The following CPEB3 variants were observed in gnomAD, a reference collection of about 807,000 sequenced individuals.
CPEB3 encodes cytoplasmic polyadenylation element-binding protein 3.
A neutral mutation model predicts 67.2 loss-of-function variants in CPEB3; 20 were observed. The ratio of observed to expected loss-of-function variants is 0.30; its 90% CI spans 0.21 to 0.43. CPEB3 has a LOEUF of 0.43. Ranked by LOEUF, CPEB3 falls within the 20% of genes least tolerant of loss-of-function variation. The pLI is 1.00. For missense variants in CPEB3, 746 were observed against 968.6 expected (o/e 0.77, Z 3.05); for synonymous variants, 376 against 393.1 (o/e 0.96, Z 0.51).
At chr10:92,187,985 C>T (rs1393934125) in intron 3 of CPEB3, among the ~76,000 whole-genome samples, 1 of 152,002 alleles carries the variant, frequency 6.6e-6, no homozygotes, top group African/African-American at 2.4e-5. Context: ...TGCTTGAGCT[C>T]AGGAGTTCAA....
At chr10:92,147,967 T>G (rs1235424705) in intron 4 of CPEB3, among the ~76,000 whole-genome samples, 1 of 152,142 alleles carries the variant, frequency 6.6e-6, no homozygotes, top group East Asian at 1.9e-4. Flanking sequence ...TCTCTTATAC[T>G]CCACGTCAAA....
intron 1 of CPEB3, among the ~76,000 whole-genome samples, chr10:92,263,425 T>C (rs1421233738): frequency 6.6e-6 from 1 of 152,154 alleles, no homozygotes; most frequent in Non-Finnish European, 1.5e-5. Context: ...GGTCAATGTA[T>C]GAAAGCCAAA....
At chr10:92,173,010 G>A (rs1848074612) in intron 4 of CPEB3, among the ~76,000 whole-genome samples, 1 of 152,184 alleles carries the variant, frequency 6.6e-6, no homozygotes, top group Admixed American at 6.5e-5. Flanking sequence ...GTCACACTGA[G>A]ATGTTTTCCC....
intron 6 of CPEB3, among the ~76,000 whole-genome samples, chr10:92,139,291 A>T (rs1161513670): frequency 4.2e-5 from 6 of 142,402 alleles, no homozygotes; most frequent in Non-Finnish European, 4.6e-5. Flanking sequence ...CACACACATA[A>T]AAAAAAAAAA....
intron 4 of CPEB3, among the ~76,000 whole-genome samples, chr10:92,167,012 G>A (rs566690721): frequency 2.6e-5 from 4 of 152,122 alleles, no homozygotes; most frequent in African/African-American, 7.2e-5. Context: ...TTATGGAGAC[G>A]GCTTTTTCCC....
intron 4 of CPEB3, among the ~76,000 whole-genome samples, chr10:92,171,568 AG>A (rs1334706560): frequency 6.6e-6 from 1 of 152,154 alleles, no homozygotes; most frequent in Non-Finnish European, 1.5e-5. Flanking sequence ...AAACAAAGGA[AG>A]GGGGGTAGAA....
intron 9 of CPEB3, among the ~76,000 whole-genome samples, chr10:92,053,605 G>A (rs977145190): frequency 1.2e-4 from 18 of 148,806 alleles, no homozygotes; most frequent in African/African-American, 2.7e-4. Context: ...GCAGTGGCAC[G>A]ATCTCGGCTC....
At chr10:92,266,159 T>C (rs145052453) in intron 1 of CPEB3, among the ~76,000 whole-genome samples, 593 of 152,280 alleles carry the variant, frequency 3.9e-3, no homozygotes, top group Non-Finnish European at 6.5e-3. Context: ...TCAGCCTACA[T>C]AACTGTAAGA....
chr10:92,275,414 C>T (rs1841933169), intron 1 of CPEB3, among the ~76,000 whole-genome samples: 1 of 152,148 alleles, frequency 6.6e-6, no homozygotes, highest in Admixed American at 6.6e-5. Context: ...CATTACTGGC[C>T]TATACAGAAA....
chr10:92,096,466 G>A (rs1843885306), intron 7 of CPEB3, among the ~76,000 whole-genome samples: 1 of 152,042 alleles, frequency 6.6e-6, no homozygotes, highest in South Asian at 2.1e-4. Flanking sequence ...GTGTGTGAGT[G>A]AAACAATTCT....
At chr10:92,139,519 G>C (rs1167156241) in intron 6 of CPEB3, among the ~76,000 whole-genome samples, 1 of 140,492 alleles carries the variant, frequency 7.1e-6, no homozygotes, top group African/African-American at 2.6e-5. Flanking sequence ...AATGATGTAA[G>C]TTACCAGAGG....
chr10:92,248,882 T>G (rs1852177000), intron 1 of CPEB3, among the ~76,000 whole-genome samples: 1 of 152,228 alleles, frequency 6.6e-6, no homozygotes, highest in African/African-American at 2.4e-5. Context: ...CCACTCTTTC[T>G]GGATATACAG....
intron 2 of CPEB3, among the ~76,000 whole-genome samples, chr10:92,205,430 C>CT (rs975524957): frequency 6.2e-5 from 8 of 129,818 alleles, no homozygotes; most frequent in South Asian, 2.5e-4. Context: ...ATTACAATAT[C>CT]TTTTTTTACA....
chr10:92,120,119 C>CAAAA (rs1845281587), intron 6 of CPEB3, among the ~76,000 whole-genome samples: 1 of 83,962 alleles, frequency 1.2e-5, no homozygotes. Context: ...AAAAAAAAAC[C>CAAAA]AAATTGCTAC....
At chr10:92,061,790 T>A (rs997601417) in intron 9 of CPEB3, among the ~76,000 whole-genome samples, 5 of 152,198 alleles carry the variant, frequency 3.3e-5, no homozygotes, top group Non-Finnish European at 7.3e-5. Flanking sequence ...GTGACTATAG[T>A]CAATAATAAC....
At chr10:92,081,296 G>C in intron 9 of CPEB3, 24 bp downstream of exon 9, 3 of 1,613,858 alleles carry the variant, frequency 1.9e-6, no homozygotes, top group Non-Finnish European at 2.5e-6. Flanking sequence ...TCCCATAGCA[G>C]TTTCACCCTA....
intron 8 of CPEB3, among the ~76,000 whole-genome samples, chr10:92,081,745 CA>C (rs1301759771): frequency 3.9e-5 from 6 of 152,130 alleles, no homozygotes; most frequent in African/African-American, 1.4e-4. Flanking sequence ...TTTATATAAT[CA>C]GAACTTTAGC....
intron 1 of CPEB3, among the ~76,000 whole-genome samples, chr10:92,248,255 T>C (rs1852150798): frequency 6.6e-6 from 1 of 152,248 alleles, no homozygotes; most frequent in African/African-American, 2.4e-5. Flanking sequence ...GTTATGTAAA[T>C]AGTTGTTATA....
intron 6 of CPEB3, among the ~76,000 whole-genome samples, chr10:92,129,100 T>C (rs1398680503): frequency 6.6e-6 from 1 of 152,208 alleles, no homozygotes; most frequent in Non-Finnish European, 1.5e-5. Context: ...TAAATGCCTA[T>C]CAATGGTAGA....
Sources: gnomAD v4.1 joint callset for allele counts (sites outside exome capture counted in the v4.1 genomes callset) on GRCh38, gnomAD v4.1.1 for gene constraint, MANE v1.5 for transcripts, NCBI Gene and HGNC (gene_info 2026-07-23, HGNC 2026-07-21) for gene names.